NT5C1A: variants seen among roughly 807,000 people sequenced by gnomAD.
NT5C1A encodes 5'-nucleotidase, cytosolic IA.
Under a neutral mutation model 31.0 loss-of-function variants are expected in NT5C1A, and 18 were observed. That is an observed-to-expected ratio of 0.58 (90% CI 0.40 to 0.86). NT5C1A has a LOEUF of 0.86. NT5C1A is among the 40% of genes least tolerant of loss of function. The probability of loss-of-function intolerance (pLI) is 0.00; values close to 1 mark genes in which losing one functional copy is unlikely to be tolerated. For missense variants in NT5C1A, 470 were observed against 505.4 expected (o/e 0.93, Z 0.67); for synonymous variants, 185 against 203.6 (o/e 0.91, Z 0.78).
chr1:39,653,253 A>G lies in NT5C1A; in HGVS notation c.*5868T>C, dbSNP rs1646442355. On this transcript the variant is annotated 3_prime_UTR_variant, in exon 6 of 6. Coordinates refer to ENST00000235628, the MANE Select transcript of NT5C1A (RefSeq NM_032526.3). ...TGGGGGCTGGTCTCGGTGGCCCCCA[A>G]GCTGCACATACGCAAATGCCCATGT... Among the ~76,000 whole-genome samples the G allele has an allele frequency of 6.6e-6, 1 of 150,956 alleles. No individual in the cohort carries two copies. Among genetic ancestry groups the G allele is most frequent in the South Asian group, 2.1e-4 (1 of 4,696 alleles).
intron 1 of NT5C1A, among the ~76,000 whole-genome samples, chr1:39,667,430 C>G (rs781009819): frequency 2.0e-5 from 3 of 152,098 alleles, no homozygotes; most frequent in Non-Finnish European, 2.9e-5. Flanking sequence ...TACAGATACC[C>G]AGAGAATCCC....
At chr1:39,659,815 G>C (rs1330433395) in intron 5 of NT5C1A, among the ~76,000 whole-genome samples, 2 of 152,142 alleles carry the variant, frequency 1.3e-5, no homozygotes, top group Non-Finnish European at 2.9e-5. Flanking sequence ...CAACAGGGGG[G>C]ATATTAAAAC....
chr1:39,665,460 C>A, intron 3 of NT5C1A, 61 bp downstream of exon 3: 1 of 1,526,828 alleles, frequency 6.5e-7, no homozygotes, highest in Admixed American at 2.0e-5. Context: ...GTGGCCCCAT[C>A]CCTGGGGGGT....
intron 4 of NT5C1A, among the ~76,000 whole-genome samples, chr1:39,661,793 T>C (rs1646494248): frequency 6.6e-6 from 1 of 152,158 alleles, no homozygotes; most frequent in Admixed American, 6.5e-5. Context: ...ACTCACCTTC[T>C]CTGGACCACT....
In NT5C1A at chr1:39,652,595, C is replaced by A. The variant is rs948000700; in HGVS notation, c.*6526G>T. Among the ~76,000 whole-genome samples, 3 of 152,138 alleles carry A rather than the reference C, an allele frequency of 2.0e-5. No homozygotes were observed. Among genetic ancestry groups the A allele is most frequent in the Non-Finnish European group, 4.4e-5 (3 of 68,024 alleles). ...TTAGCTACAAGACTAGCCTTGAGGC[C>A]TTTACCCTAATTCCGTGGCAGATGG... On this transcript the variant is annotated 3_prime_UTR_variant, in exon 6 of 6. Coordinates refer to ENST00000235628, the MANE Select transcript of NT5C1A (RefSeq NM_032526.3).
chr1:39,662,496 T>C (rs557894184), intron 4 of NT5C1A, among the ~76,000 whole-genome samples: 5 of 152,170 alleles, frequency 3.3e-5, no homozygotes, highest in Non-Finnish European at 7.4e-5. Context: ...TCCTGGTTCC[T>C]GGTTAAAGAA....
chr1:39,658,177 C>T lies in NT5C1A; in HGVS notation c.*944G>A, dbSNP rs1273246027. 6.6e-6 allele frequency among the ~76,000 whole-genome samples: 1 copy of T among 152,196 alleles called. No homozygotes were observed. Among genetic ancestry groups the T allele is most frequent in the Non-Finnish European group, 1.5e-5 (1 of 68,040 alleles). On this transcript the variant is annotated 3_prime_UTR_variant, in exon 6 of 6. Transcript: ENST00000235628. ...AAGAGCAAAGGAAACACTGAGCAGG[C>T]AGCTACTAATGCTTCTCCCGGGAAG...
At position 39,666,199 on chromosome 1, in the gene NT5C1A, G is replaced by A. The variant is rs1380044036; in HGVS notation, c.173C>T (p.Ser58Phe). Residue 58 changes from serine (S) to phenylalanine (F), a missense_variant, in exon 2 of 6, where the codon TCC becomes TTC. Coordinates refer to ENST00000235628, the MANE Select transcript of NT5C1A (RefSeq NM_032526.3). ...CTCGTCCATGCGAAACAAGGCTCGG[G>A]AGGACACAGCGATGGTGACTGCATT... Reference protein sequence around the residue: ...PQNAVTIAVSSRALFRMDEEQ... With the variant: ...PQNAVTIAVSFRALFRMDEEQ... 3.1e-6 allele frequency: 5 copies of A among 1,613,582 alleles called. No homozygotes were observed. The highest frequency in any genetic ancestry group is 3.4e-6 in the Non-Finnish European group (4 of 1,179,970).
At chr1:39,661,674 G>A (rs969275044) in intron 4 of NT5C1A, among the ~76,000 whole-genome samples, 4 of 152,206 alleles carry the variant, frequency 2.6e-5, no homozygotes, top group Non-Finnish European at 4.4e-5. Context: ...CACTGCCTTC[G>A]TGCCAGGGGT....
At chr1:39,660,729 G>T (rs1283376839) in intron 5 of NT5C1A, among the ~76,000 whole-genome samples, 1 of 152,106 alleles carries the variant, frequency 6.6e-6, no homozygotes, top group Non-Finnish European at 1.5e-5. Flanking sequence ...GCAGGGCAGG[G>T]ACTTCAGAGA....
intron 3 of NT5C1A, among the ~76,000 whole-genome samples, chr1:39,664,833 C>G (rs1646513104): frequency 6.6e-6 from 1 of 151,226 alleles, no homozygotes; most frequent in African/African-American, 2.4e-5. Context: ...GCAGAGAAAT[C>G]CAATTTCAGG....
At chr1:39,665,893 C>T (rs1646519038) in intron 2 of NT5C1A, among the ~76,000 whole-genome samples, 176 bp downstream of exon 2, 1 of 152,208 alleles carries the variant, frequency 6.6e-6, no homozygotes, top group African/African-American at 2.4e-5. Flanking sequence ...CTGCATTTGT[C>T]CAGAGGGTGG....
intron 4 of NT5C1A, among the ~76,000 whole-genome samples, chr1:39,662,871 T>C (rs1448014697): frequency 6.6e-6 from 1 of 152,210 alleles, no homozygotes; most frequent in Non-Finnish European, 1.5e-5. Flanking sequence ...CTGCTGGAGA[T>C]GCTGGCCATT....
At position 39,655,952 on chromosome 1, in the gene NT5C1A, C is replaced by T. The variant is rs951218904; in HGVS notation, c.*3169G>A. Among the ~76,000 whole-genome samples, 2 of 152,148 alleles carry T rather than the reference C, an allele frequency of 1.3e-5. No homozygotes were observed. Among genetic ancestry groups the T allele is most frequent in the African/African-American group, 4.8e-5 (2 of 41,444 alleles). On this transcript the variant is annotated 3_prime_UTR_variant, in exon 6 of 6. Transcript: ENST00000235628. ...ATGCCAAATCCATCTTGGCTTTGAA[C>T]TTCTTGCTAGTTTCTATTTTTTTCT...
rs186160879 is a variant in NT5C1A, at chr1:39,667,906, A to G, written c.136-1670T>C. The stretch of plus-strand genomic sequence containing the variant: ...TTCATTTAAATGAACTTAAACAGCT[A>G]TACGTGGCTAGTGGTAAATGCAGCT... On this transcript the variant is annotated intron_variant, in intron 1 of 5. Coordinates refer to ENST00000235628, the MANE Select transcript of NT5C1A (RefSeq NM_032526.3). 2.0e-5 allele frequency among the ~76,000 whole-genome samples: 3 copies of G among 152,388 alleles called. No individual in the cohort carries two copies. The East Asian group carries it at 5.8e-4, about 29-fold the overall frequency.
chr1:39,654,512 A>G lies in NT5C1A; in HGVS notation c.*4609T>C, dbSNP rs374366013. On this transcript the variant is annotated 3_prime_UTR_variant, in exon 6 of 6. Transcript: ENST00000235628. Reference sequence around the variant, plus strand: ...GAATACAAAGCCATGCTGGACAGCCAGCTGGGCTCATCCCCAGCCAAGGGC... The same window carrying G: ...GAATACAAAGCCATGCTGGACAGCCGGCTGGGCTCATCCCCAGCCAAGGGC... 6.6e-5 allele frequency among the ~76,000 whole-genome samples: 10 copies of G among 152,384 alleles called. No individual in the cohort carries two copies. The highest frequency in any genetic ancestry group is 3.9e-4 in the East Asian group (2 of 5,192).
rs1159713637 is a variant in NT5C1A, at chr1:39,655,783, G to T, written c.*3338C>A. ...AGGCTGCATTGTGGGAAAATGGAGC[G>T]CTCACAGTGGAAAGGTCAGCTGAGG... is the stretch of plus-strand genomic sequence containing the variant. On this transcript the variant is annotated 3_prime_UTR_variant, in exon 6 of 6. Transcript: ENST00000235628. 6.6e-6 allele frequency among the ~76,000 whole-genome samples: 1 copy of T among 151,914 alleles called. No individual in the cohort carries two copies. Among genetic ancestry groups the T allele is most frequent in the Non-Finnish European group, 1.5e-5 (1 of 67,998 alleles).
In NT5C1A at chr1:39,666,164, TCTG is replaced by T. The variant is rs746468926; in HGVS notation, c.205_207del (p.Gln69del). 1 of 1,613,642 alleles carries T rather than the reference TCTG, an allele frequency of 6.2e-7. No homozygotes were observed. The highest frequency in any genetic ancestry group is 8.5e-7 in the Non-Finnish European group (1 of 1,179,996). ...TCCTCCACGCCCTGCTCCGTGTAGA[TCTG>T]CTGCTCCTCGTCCATGCGAAACAAG... On this transcript the variant is annotated inframe_deletion, in exon 2 of 6. Coordinates refer to ENST00000235628, the MANE Select transcript of NT5C1A (RefSeq NM_032526.3).
At chr1:39,663,276 G>A (rs1297917314) in intron 4 of NT5C1A, 36 bp downstream of exon 4, 1 of 1,613,312 alleles carries the variant, frequency 6.2e-7, no homozygotes. Flanking sequence ...CCCCTTTGCT[G>A]CACTCCCCAT....
Sources: gnomAD v4.1 joint callset for allele counts (sites outside exome capture counted in the v4.1 genomes callset) on GRCh38, gnomAD v4.1.1 for gene constraint, MANE v1.5 for transcripts, NCBI Gene and HGNC (gene_info 2026-07-23, HGNC 2026-07-21) for gene names.